FKBP15: variants seen among roughly 807,000 people sequenced by gnomAD.
FKBP15 encodes FKBP prolyl isomerase family member 15, also known as FK506-binding protein 15.
Under a neutral mutation model 158.1 loss-of-function variants are expected in FKBP15, and 106 were observed. The ratio of observed to expected loss-of-function variants is 0.67; its 90% CI spans 0.57 to 0.79. The LOEUF (loss-of-function observed/expected upper bound fraction) is 0.79. Ranked by LOEUF, FKBP15 falls within the 30% of genes least tolerant of loss-of-function variation. The pLI is 0.00. For missense variants in FKBP15, 1,287 were observed against 1,479.1 expected (o/e 0.87, Z 2.13); for synonymous variants, 547 against 548.6 (o/e 1.00, Z 0.04).
chr9:113,173,652 TGAGA>T, intron 22 of FKBP15, 47 bp from the exon 23 acceptor site: 1 of 1,583,606 alleles, frequency 6.3e-7, no homozygotes, highest in African/African-American at 1.3e-5. Context: ...GGTGGGGGAG[TGAGA>T]TTCCATTGCA....
intron 1 of FKBP15, among the ~76,000 whole-genome samples, chr9:113,211,996 T>C (rs1356020537): frequency 6.6e-6 from 1 of 152,104 alleles, no homozygotes; most frequent in African/African-American, 2.4e-5. Flanking sequence ...TCACCCTTAC[T>C]GACTACTCCC....
In FKBP15 at chr9:113,161,515, C is replaced by T. The variant is rs1158327402; in HGVS notation, c.*4563G>A. ...ACTCTGCCTCCTTTGACAGGCATGG[C>T]CCTTTCGGTGTTGGTGCTCCTGCTT... On this transcript the variant is annotated 3_prime_UTR_variant, in exon 28 of 28. Transcript: ENST00000238256. 6.2e-7 allele frequency: 1 copy of T among 1,613,814 alleles called. No homozygotes were observed. Among genetic ancestry groups the T allele is most frequent in the African/African-American group, 1.3e-5 (1 of 74,930 alleles).
In FKBP15 at chr9:113,198,713, T is replaced by C. The variant is rs1021451293; in HGVS notation, c.717+142A>G. ...GTTGCAATGAGCCAAGATCGTGCCATTGCACTCCAGCTTGAACAACAAGAG... is the reference window on the plus strand; with the variant it reads ...GTTGCAATGAGCCAAGATCGTGCCACTGCACTCCAGCTTGAACAACAAGAG... On this transcript the variant is annotated intron_variant, in intron 8 of 27. Transcript: ENST00000238256. This position sits in a 1 kb window ranked among gnomAD's most constrained non-coding sequence, Gnocchi z 5.2. 24 of 606,548 alleles carry C rather than the reference T, an allele frequency of 4.0e-5. No homozygotes were observed. The highest frequency in any genetic ancestry group is 2.0e-4 in the Admixed American group (6 of 30,224). The allele number at this position is 606,548 out of a possible 1,614,324, so 37.6% of individuals were successfully genotyped here. A position where few individuals can be genotyped will look rare whatever the true frequency, so the allele number is the denominator to read the frequency against.
intron 17 of FKBP15, 33 bp from the exon 18 acceptor site, chr9:113,183,878 T>A (rs779344036): frequency 2.6e-6 from 4 of 1,534,738 alleles, no homozygotes; most frequent in Non-Finnish European, 3.6e-6. Context: ...ACAATTTAAG[T>A]GTCTTGGGAG....
At position 113,169,504 on chromosome 9, in the gene FKBP15, C is replaced by G. The variant is rs61748833; in HGVS notation, c.3205G>C (p.Ala1069Pro). 3.3e-5 allele frequency: 53 copies of G among 1,613,888 alleles called. No homozygotes were observed. Among genetic ancestry groups the G allele is most frequent in the Non-Finnish European group, 4.2e-5 (50 of 1,179,912 alleles). Residue 1069 changes from alanine to proline, a missense_variant, in exon 26 of 28, where the codon GCT (alanine) becomes CCT (proline). Coordinates refer to ENST00000238256, the MANE Select transcript of FKBP15 (RefSeq NM_015258.2). ...EESLAASPMA[A>P]KPDNPSGKVC... ...TTTCCTGATGGGTTGTCGGGCTTAGCTGCCATTGGGCTGGCAGCAAGTGAC... is the reference window on the plus strand; with the variant it reads ...TTTCCTGATGGGTTGTCGGGCTTAGGTGCCATTGGGCTGGCAGCAAGTGAC...
In FKBP15 at chr9:113,162,666, G is replaced by GCT. The variant is rs1448833977; in HGVS notation, c.*3410_*3411dup. On this transcript the variant is annotated 3_prime_UTR_variant, in exon 28 of 28. Coordinates refer to ENST00000238256, the MANE Select transcript of FKBP15 (RefSeq NM_015258.2). ...ATCAATCGGGTCACGTAACTCAACA[G>GCT]CTTTCTACTCCCTGATATCTACTCC... The GCT allele has an allele frequency of 7.6e-7, 1 of 1,319,606 alleles. No individual in the cohort carries two copies. Among genetic ancestry groups the GCT allele is most frequent in the East Asian group, 2.4e-5 (1 of 42,154 alleles). The allele number at this position is 1,319,606 out of a possible 1,614,324, so 81.7% of individuals were successfully genotyped here.
intron 1 of FKBP15, among the ~76,000 whole-genome samples, chr9:113,214,797 A>G (rs1433361907): frequency 6.6e-6 from 1 of 152,260 alleles, no homozygotes; most frequent in Non-Finnish European, 1.5e-5. Context: ...AGCCACCATC[A>G]CCAGTTCTCT....
At chr9:113,186,527 G>T in intron 14 of FKBP15, 164 bp from the exon 15 acceptor site, 1 of 601,074 alleles carries the variant, frequency 1.7e-6, no homozygotes. Flanking sequence ...AAGGACTGCA[G>T]CAGGAGAGTT....
intron 1 of FKBP15, among the ~76,000 whole-genome samples, chr9:113,220,526 G>T (rs1235781701): frequency 6.6e-6 from 1 of 152,174 alleles, no homozygotes; most frequent in Non-Finnish European, 1.5e-5. Flanking sequence ...TTTACAAAGT[G>T]CAATTTCGCA....
chr9:113,170,763 A>T, intron 24 of FKBP15, 134 bp from the exon 25 acceptor site: 1 of 701,692 alleles, frequency 1.4e-6, no homozygotes, highest in Non-Finnish European at 2.6e-6. Flanking sequence ...TCATAAGCAG[A>T]GACACTGAAG....
At position 113,166,123 on chromosome 9, in the gene FKBP15, A is replaced by G. The variant is rs377594151; in HGVS notation, c.3615T>C (p.Leu1205=). Residue 1205 remains leucine (L), a synonymous_variant, in exon 28 of 28, where the codon CTT becomes CTC. Transcript: ENST00000238256. ...SMKGRPPPTP[L]FGDDDDDDDI... The stretch of plus-strand genomic sequence containing the variant: ...CATCGTCATCATCATCATCTCCAAA[A>G]AGGGGCGTTGGGGGCGGGCGTCCCT... 50 of 1,613,478 alleles carry G rather than the reference A, an allele frequency of 3.1e-5. No individual in the cohort carries two copies. The highest frequency in any genetic ancestry group is 4.2e-5 in the Non-Finnish European group (49 of 1,179,682).
chr9:113,206,526 T>G lies in FKBP15; in HGVS notation c.307A>C (p.Asn103His). The change falls in exon 4 of 28, where the codon AAC (asparagine) becomes CAC (histidine). Residue 103 changes from asparagine to histidine, a missense_variant. By Grantham distance (68) the Asn-to-His change is moderately conservative. Transcript: ENST00000238256. ...ACTCTCACCTCTCTGGCTGTGTGGT[T>G]CCCCAGAACTGCAGCACCAAATTTG... Reference protein sequence around the residue: ...QGKFGAAVLGNHTAREYRILL... With the variant: ...QGKFGAAVLGHHTAREYRILL... 3 of 1,613,830 alleles carry G rather than the reference T, an allele frequency of 1.9e-6. No homozygotes were observed. The highest frequency in any genetic ancestry group is 1.7e-6 in the Non-Finnish European group (2 of 1,179,816).
rs1320718896 is a variant in FKBP15, at chr9:113,162,586, C to T, written c.*3492G>A. 5.2e-5 allele frequency: 20 copies of T among 383,128 alleles called. No homozygotes were observed. The highest frequency in any genetic ancestry group is 4.6e-4 in the African/African-American group (5 of 10,974). The allele number at this position is 383,128 out of a possible 1,614,324, so 23.7% of individuals were successfully genotyped here. A position where few individuals can be genotyped will look rare whatever the true frequency, so the allele number is the denominator to read the frequency against. On this transcript the variant is annotated 3_prime_UTR_variant, in exon 28 of 28. Coordinates refer to ENST00000238256, the MANE Select transcript of FKBP15 (RefSeq NM_015258.2). ...ATAAATCTCGAGTTTTTTCTGGGGG[C>T]GGGGGTGGGAGGGGCAGAAAGAAAT...
At chr9:113,189,971 G>A (rs888963306) in intron 12 of FKBP15, among the ~76,000 whole-genome samples, 1 of 152,002 alleles carries the variant, frequency 6.6e-6, no homozygotes, top group South Asian at 2.1e-4. Context: ...AAATAACAAG[G>A]GGAGAAAATT....
At chr9:113,195,303 A>G (rs748744496) in intron 9 of FKBP15, among the ~76,000 whole-genome samples, 4 of 152,216 alleles carry the variant, frequency 2.6e-5, no homozygotes, top group African/African-American at 4.8e-5. Context: ...CACATGGGGT[A>G]TGATTCTCTA....
At chr9:113,173,753 T>C in intron 22 of FKBP15, 148 bp from the exon 23 acceptor site, 1 of 776,102 alleles carries the variant, frequency 1.3e-6, no homozygotes, top group Non-Finnish European at 2.0e-6. Flanking sequence ...CTCATTACTT[T>C]TAAAATAAAT....
chr9:113,216,578 A>G (rs1048008829), intron 1 of FKBP15, among the ~76,000 whole-genome samples: 1 of 152,238 alleles, frequency 6.6e-6, no homozygotes, highest in Non-Finnish European at 1.5e-5. Flanking sequence ...ATTCGGGCAA[A>G]TTGCCTAAAG....
At chr9:113,178,563 G>A in intron 20 of FKBP15, 67 bp downstream of exon 20, 1 of 1,472,908 alleles carries the variant, frequency 6.8e-7, no homozygotes, top group Non-Finnish European at 9.0e-7. Context: ...AAATTGAGAG[G>A]AAGAAAACAG....
At chr9:113,177,960 A>G (rs1830328323) in intron 20 of FKBP15, among the ~76,000 whole-genome samples, 1 of 152,222 alleles carries the variant, frequency 6.6e-6, no homozygotes. Context: ...GATAAGGGTT[A>G]TAATAATGCA....
Sources: allele counts gnomAD v4.1 joint callset (sites outside exome capture counted in the v4.1 genomes callset), GRCh38; gene constraint gnomAD v4.1.1; non-coding constraint Gnocchi (gnomAD v3.1); transcripts MANE v1.5; gene names NCBI Gene and HGNC (gene_info 2026-07-23, HGNC 2026-07-21).